Variants in SLC19A1 observed in about 807,000 individuals in gnomAD.
SLC19A1 encodes reduced folate transporter.
Under a neutral mutation model 35.3 loss-of-function variants are expected in SLC19A1, and 37 were observed. The ratio of observed to expected loss-of-function variants is 1.05; its 90% confidence interval spans 0.81 to 1.38. The LOEUF is 1.38. Ranked by LOEUF, SLC19A1 falls within the 40% of genes most tolerant of loss-of-function variation. The pLI is 0.00. For synonymous variants in SLC19A1, 460 were observed against 398.5 expected (o/e 1.15, Z -1.84); for missense variants, 831 against 826.9 (o/e 1.00, Z -0.06).
At chr21:45,528,683 T>G (rs1017566848) in intron 4 of SLC19A1, among the ~76,000 whole-genome samples, 7 of 152,338 alleles carry the variant, frequency 4.6e-5, no homozygotes, top group Non-Finnish European at 8.8e-5. Context: ...AACAAAAATG[T>G]AGGTAGAAGG....
At chr21:45,508,471 GTGGGTGAGTGGA>G (rs1203680794), downstream of SLC19A1, among the ~76,000 whole-genome samples, 4 of 149,084 alleles carry the variant, frequency 2.7e-5, no homozygotes, top group Admixed American at 6.6e-5. Flanking sequence ...GGATGGACAG[GTGGGTGAGTGGA>G]TGGGTGGGTG....
chr21:45,547,739 A>T (rs1402337939), upstream of SLC19A1, among the ~76,000 whole-genome samples: 1 of 152,192 alleles, frequency 6.6e-6, no homozygotes, highest in Non-Finnish European at 1.5e-5. Context: ...CCTTAAATGT[A>T]TGAGACCAGG....
downstream of SLC19A1, among the ~76,000 whole-genome samples, chr21:45,508,470 G>GGTGGGTGA (rs928036515): frequency 6.6e-6 from 1 of 151,492 alleles, no homozygotes; most frequent in East Asian, 1.9e-4. Flanking sequence ...TGGATGGACA[G>GGTGGGTGA]GTGGGTGAGT....
intron 3 of SLC19A1, chr21:45,505,928 C>G (rs1391278333): frequency 6.2e-7 from 1 of 1,613,106 alleles, no homozygotes; most frequent in African/African-American, 1.3e-5. Context: ...GCAGGAGGAG[C>G]TCTACGTCCG....
Position 45,525,834 on chromosome 21 carries a change from G to A in SLC19A1, c.1276C>T (p.Leu426Phe), listed in dbSNP as rs759627312. Reference protein sequence around the residue: ...FIVSDVRGLGLPVRKQFQLYS... With the variant: ...FIVSDVRGLGFPVRKQFQLYS... ...GGGCTCACCTGCTTGCGGACCGGGA[G>A]GCCCAGGCCCCGCACGTCCGAGACA... Residue 426 changes from leucine to phenylalanine, a missense_variant, in exon 5 of 6, where the codon CTC becomes TTC. By Grantham distance (22) the Leu-to-Phe change is conservative. Transcript: ENST00000311124. The A allele has an allele frequency of 3.7e-6, 6 of 1,613,354 alleles. No individual in the cohort carries two copies. The highest frequency in any genetic ancestry group is 1.7e-4 in the Middle Eastern group (1 of 6,060).
intron 1 of SLC19A1, among the ~76,000 whole-genome samples, chr21:45,549,661 G>A (rs2078445626): frequency 1.0e-5 from 1 of 96,046 alleles, no homozygotes; most frequent in African/African-American, 4.2e-5. Context: ...AGTGGGTGGT[G>A]GGGAGGGGGA....
At position 45,539,186 on chromosome 21, in the gene SLC19A1, G is replaced by A. The variant is rs566916220; in HGVS notation, c.-49-1178C>T. Among the ~76,000 whole-genome samples, 4 of 152,342 alleles carry A rather than the reference G, an allele frequency of 2.6e-5. No individual in the cohort carries two copies. In the South Asian group the frequency reaches 8.3e-4, roughly 32 times the overall value. Reference sequence around the variant, plus strand: ...CAAGTGTGTCAGACGCCCACACCAAGCCAACCCCGTGAGGCCAGGACCTGG... The same window carrying A: ...CAAGTGTGTCAGACGCCCACACCAAACCAACCCCGTGAGGCCAGGACCTGG... On this transcript the variant is annotated intron_variant, in intron 1 of 5. Transcript: ENST00000311124.
At position 45,538,312 on chromosome 21, in the gene SLC19A1, C is replaced by T. The variant is rs148401790; in HGVS notation, c.-49-304G>A. ...AAAACCAAGTTAATTAACTAATTGA[C>T]TTACTTTATTAACTAAACTAACAAA... On this transcript the variant is annotated intron_variant, in intron 1 of 5. Coordinates refer to ENST00000311124, the MANE Select transcript of SLC19A1 (RefSeq NM_194255.4). Among the ~76,000 whole-genome samples, 171 of 152,348 alleles carry T rather than the reference C, an allele frequency of 1.1e-3. 2 individuals carry two copies. Among genetic ancestry groups the T allele is most frequent in the African/African-American group, 4.0e-3 (167 of 41,560 alleles).
downstream of SLC19A1, among the ~76,000 whole-genome samples, chr21:45,508,727 T>C (rs1366973038): frequency 6.6e-6 from 1 of 152,128 alleles, no homozygotes; most frequent in African/African-American, 2.4e-5. Context: ...GCTGATTCAT[T>C]CTTTCATTCA....
intron 5 of SLC19A1, among the ~76,000 whole-genome samples, chr21:45,524,951 C>T (rs910027921): frequency 2.0e-5 from 3 of 152,366 alleles, no homozygotes; most frequent in South Asian, 4.1e-4. Flanking sequence ...GGCACAGGGC[C>T]ACGTGGCCTG....
In SLC19A1 at chr21:45,531,651, G is replaced by A; in HGVS notation, c.687C>T (p.Arg229=). The change falls in exon 3 of 6, where the codon CGC becomes CGT. Residue 229 remains arginine (R), a synonymous_variant. Coordinates refer to ENST00000311124, the MANE Select transcript of SLC19A1 (RefSeq NM_194255.4). The stretch of plus-strand genomic sequence containing the variant: ...GCTTCCCGCCTGGGCCAGGATTCAT[G>A]CGCTCCAGCTCCGAAGCCGAGGTTT... ...RCETSASELE[R]MNPGPGGKLG... 1.2e-6 allele frequency: 2 copies of A among 1,612,244 alleles called. No homozygotes were observed. The highest frequency in any genetic ancestry group is 2.2e-5 in the East Asian group (1 of 44,866).
Position 45,540,647 on chromosome 21 carries a change from C to A in SLC19A1, c.-50+1721G>T, listed in dbSNP as rs2078275193. ...CAAGAGGAAAGATAGGGAACTTGGT[C>A]ACCATCATAGAAACGCAGCCCCAAG... On this transcript the variant is annotated intron_variant, in intron 1 of 5. Transcript: ENST00000311124. This position sits in a 1 kb window ranked among gnomAD's most constrained non-coding sequence, Gnocchi z 5.5. Among the ~76,000 whole-genome samples the A allele has an allele frequency of 6.6e-6, 1 of 152,194 alleles. No homozygotes were observed. The highest frequency in any genetic ancestry group is 6.5e-5 in the Admixed American group (1 of 15,290).
At chr21:45,516,203 C>T (rs116076967) in intron 5 of SLC19A1, 63 bp from the exon 6 acceptor site, 155 of 1,316,422 alleles carry the variant, frequency 1.2e-4, no homozygotes, top group Middle Eastern at 1.9e-4. Flanking sequence ...GCACCCTACA[C>T]CCCGACGCCT....
Position 45,555,157 on chromosome 21 carries a change from CGGCGGGGGCGGCGCAGGGGGCGGT to C in SLC19A1, c.-50+7561_-50+7584del, listed in dbSNP as rs1215450580. ...GCGACGCAGGGGGCGGTGCAGGGGG[CGGCGGGGGCGGCGCAGGGGGCGGT>C]GCAGGGGGCGGCGGGGGCGGCGCAG... On this transcript the variant is annotated intron_variant, in intron 1 of 5. Transcript: ENST00000650808. 1.5e-3 allele frequency among the ~76,000 whole-genome samples: 107 copies of C among 72,568 alleles called. 3 individuals carry two copies. Among genetic ancestry groups the C allele is most frequent in the South Asian group, 2.7e-3 (5 of 1,820 alleles). 47.6% of individuals were successfully genotyped at this position (72,568 alleles called of 152,430 possible).
At chr21:45,529,320 G>A (rs1414346875) in intron 4 of SLC19A1, among the ~76,000 whole-genome samples, 2 of 152,260 alleles carry the variant, frequency 1.3e-5, no homozygotes, top group African/African-American at 4.8e-5. Context: ...CAATGCAAGG[G>A]TCAGGAGGGT....
intron 3 of SLC19A1, 46 bp from the exon 4 acceptor site, chr21:45,531,017 G>A (rs749723921): frequency 3.7e-5 from 49 of 1,319,246 alleles, no homozygotes; most frequent in Non-Finnish European, 4.8e-5. Context: ...GGGGGGCCAC[G>A]GGGCAGGGGG....
chr21:45,522,765 A>G (rs1444524540), intron 5 of SLC19A1, among the ~76,000 whole-genome samples: 1 of 152,328 alleles, frequency 6.6e-6, no homozygotes, highest in East Asian at 1.9e-4. Context: ...TGTTTATACA[A>G]CACTCCTGAA....
chr21:45,516,241 A>C (rs1602694141), intron 5 of SLC19A1, 101 bp from the exon 6 acceptor site: 5 of 917,786 alleles, frequency 5.4e-6, no homozygotes, highest in East Asian at 2.5e-5. Context: ...CCTCCAGCTC[A>C]GAGGCTGACC....
downstream of SLC19A1, chr21:45,510,306 T>C: frequency 6.4e-7 from 1 of 1,550,834 alleles, no homozygotes; most frequent in Middle Eastern, 1.7e-4. Context: ...CGGCCCCCAC[T>C]TGACCTCTGG....
Sources: allele counts gnomAD v4.1 joint callset (sites outside exome capture counted in the v4.1 genomes callset), GRCh38; gene constraint gnomAD v4.1.1; non-coding constraint Gnocchi (gnomAD v3.1); transcripts MANE v1.5; gene names NCBI Gene and HGNC (gene_info 2026-07-23, HGNC 2026-07-21).